The following HIBCH variants were observed in gnomAD, a reference collection of about 807,000 sequenced individuals.
HIBCH encodes 3-hydroxyisobutyryl-CoA hydrolase, mitochondrial.
A neutral mutation model predicts 58.2 loss-of-function variants in HIBCH; 50 were observed. The ratio of observed to expected loss-of-function variants is 0.86; its 90% CI spans 0.68 to 1.09. The LOEUF is 1.09. Ranked by LOEUF, HIBCH falls within the 50% of genes least tolerant of loss-of-function variation. The pLI is 0.00. For missense variants in HIBCH, 450 were observed against 449.7 expected, an observed-to-expected ratio of 1.00 and a Z score of -0.01; for synonymous variants, 151 against 146.9, an observed-to-expected ratio of 1.03 and a Z score of -0.20.
Position 190,214,923 on chromosome 2 carries a change from G to A in HIBCH, c.892-1848C>T, listed in dbSNP as rs372644721. 4 of 152,186 alleles carry A rather than the reference G, an allele frequency of 2.6e-5. No individual in the cohort carries two copies. The highest frequency in any genetic ancestry group is 6.5e-5 in the Admixed American group (1 of 15,278). The allele number at this position is 152,186 out of a possible 1,614,324, so 9.4% of individuals were successfully genotyped here. A position where few individuals can be genotyped will look rare whatever the true frequency, so the allele number is the denominator to read the frequency against. ...GAAAGAATTAGAACAATGTAAGAAG[G>A]ACATTGAGAATTTCCCTATTTCTTC... On this transcript the variant is annotated intron_variant, in intron 11 of 13. Transcript: ENST00000359678. This position sits in a 1 kb window ranked among gnomAD's most constrained non-coding sequence, Gnocchi z 5.5.
At chr2:190,318,186 T>C (rs192760067) in intron 1 of HIBCH, among the ~76,000 whole-genome samples, 1 of 151,106 alleles carries the variant, frequency 6.6e-6, no homozygotes, top group East Asian at 1.9e-4. Flanking sequence ...TGACCAGCAT[T>C]AGAGCTCAGG....
chr2:190,256,907 A>G (rs1489231229), intron 7 of HIBCH, among the ~76,000 whole-genome samples: 17 of 152,196 alleles, frequency 1.1e-4, no homozygotes, highest in Admixed American at 1.0e-3. Flanking sequence ...TTAAGGACAC[A>G]GGAACAGAAA....
chr2:190,295,143 G>C (rs1169966882), intron 3 of HIBCH, among the ~76,000 whole-genome samples: 2 of 152,130 alleles, frequency 1.3e-5, no homozygotes, highest in Non-Finnish European at 2.9e-5. Context: ...TAATAAATAA[G>C]TAGGATGAAA....
intron 11 of HIBCH, among the ~76,000 whole-genome samples, chr2:190,235,449 T>C (rs1686247131): frequency 6.6e-6 from 1 of 152,210 alleles, no homozygotes; most frequent in Non-Finnish European, 1.5e-5. Context: ...TCTTTCAGCC[T>C]CCAACATTTC....
At chr2:190,270,091 G>A (rs1687348270) in intron 6 of HIBCH, among the ~76,000 whole-genome samples, 1 of 152,100 alleles carries the variant, frequency 6.6e-6, no homozygotes, top group South Asian at 2.1e-4. Flanking sequence ...AGGGGAGGCA[G>A]AGCATTAGGA....
At chr2:190,203,829 T>G (rs2105893768), downstream of HIBCH, 1 of 152,262 alleles carries the variant, frequency 6.6e-6, no homozygotes, top group South Asian at 2.1e-4. Context: ...ACATGATCTT[T>G]AATGTCTTTT....
intron 11 of HIBCH, among the ~76,000 whole-genome samples, chr2:190,224,850 T>A (rs1465959451): frequency 6.6e-6 from 1 of 152,114 alleles, no homozygotes; most frequent in African/African-American, 2.4e-5. Context: ...CAGCACCACA[T>A]CAGTTATTCC....
At chr2:190,319,643 A>C (rs2124886833) in intron 1 of HIBCH, 73 bp downstream of exon 1, 1 of 1,317,348 alleles carries the variant, frequency 7.6e-7, no homozygotes, top group Non-Finnish European at 1.1e-6. Context: ...AGCAGTCTCC[A>C]CCCCCGGCCC....
chr2:190,240,334 T>A (rs1253785859), intron 11 of HIBCH, among the ~76,000 whole-genome samples: 2 of 152,216 alleles, frequency 1.3e-5, no homozygotes, highest in East Asian at 3.8e-4. Flanking sequence ...TTCTGTGGGA[T>A]CGGTGGTGAT....
intron 11 of HIBCH, among the ~76,000 whole-genome samples, chr2:190,242,344 C>T (rs1269675746): frequency 6.6e-6 from 1 of 151,992 alleles, no homozygotes; most frequent in African/African-American, 2.4e-5. Context: ...ATGTTCTTAG[C>T]TTCCTTGCAT....
intron 11 of HIBCH, among the ~76,000 whole-genome samples, chr2:190,226,307 G>T (rs1575705500): frequency 6.6e-6 from 1 of 152,052 alleles, no homozygotes; most frequent in South Asian, 2.1e-4. Flanking sequence ...AGAAAAAGAG[G>T]AAGTCAGGCC....
At chr2:190,208,196 A>G (rs948895414) in intron 13 of HIBCH, among the ~76,000 whole-genome samples, 1 of 152,218 alleles carries the variant, frequency 6.6e-6, no homozygotes, top group African/African-American at 2.4e-5. Flanking sequence ...ATGACATCAT[A>G]TGGTCTTTTT....
intron 11 of HIBCH, chr2:190,213,289 G>A: frequency 1.9e-6 from 1 of 530,014 alleles, no homozygotes; most frequent in Non-Finnish European, 3.4e-6. Context: ...TTCTGTAGCT[G>A]TGACTAATAA....
chr2:190,246,268 A>ATATG, intron 9 of HIBCH, 56 bp from the exon 10 acceptor site: 3 of 987,516 alleles, frequency 3.0e-6, no homozygotes, highest in East Asian at 2.6e-5. Context: ...TAATCCTTAA[A>ATATG]AATTCATATT....
chr2:190,319,366 T>C (rs184687587), intron 1 of HIBCH, among the ~76,000 whole-genome samples: 2 of 152,276 alleles, frequency 1.3e-5, no homozygotes, highest in African/African-American at 2.4e-5. Flanking sequence ...GCACAAAACA[T>C]GCCGCACAGT....
chr2:190,295,015 T>C (rs779042291), intron 3 of HIBCH, among the ~76,000 whole-genome samples: 15 of 152,204 alleles, frequency 9.9e-5, no homozygotes, highest in Non-Finnish European at 2.1e-4. Flanking sequence ...CTGATAAATA[T>C]AGCAATAACC....
chr2:190,283,339 T>C (rs1027075286), intron 6 of HIBCH, among the ~76,000 whole-genome samples: 24 of 152,198 alleles, frequency 1.6e-4, no homozygotes, highest in East Asian at 1.4e-3. Context: ...CTCTTTAAAG[T>C]AGCCAATCAG....
chr2:190,235,109 G>A (rs992044290), intron 11 of HIBCH, among the ~76,000 whole-genome samples: 3 of 152,222 alleles, frequency 2.0e-5, no homozygotes, highest in African/African-American at 7.2e-5. Context: ...AGGGGCCAGG[G>A]GAAGAAGAAG....
Position 190,205,177 on chromosome 2 carries a change from A to G in HIBCH, c.1101T>C (p.Val367=). 1 of 1,611,580 alleles carries G rather than the reference A, an allele frequency of 6.2e-7. No individual in the cohort carries two copies. The highest frequency in any genetic ancestry group is 8.5e-7 in the Non-Finnish European group (1 of 1,178,222). The change falls in exon 14 of 14, where the codon GTT becomes GTC. Residue 367 remains valine (V), a synonymous_variant. Transcript: ENST00000359678. The part of the protein sequence containing the change: ...PKWKPADLKE[V]TEEDLNNHFK... The stretch of plus-strand genomic sequence containing the variant: ...AGTGATTATTCAAATCTTCCTCAGT[A>G]ACTTCTTTTAGATCAGCTGGTTTCC...
Sources: allele counts gnomAD v4.1 joint callset (sites outside exome capture counted in the v4.1 genomes callset), GRCh38; gene constraint gnomAD v4.1.1; non-coding constraint Gnocchi (gnomAD v3.1); transcripts MANE v1.5; gene names NCBI Gene and HGNC (gene_info 2026-07-23, HGNC 2026-07-21).